NIPA2: variants seen among roughly 807,000 people sequenced by gnomAD.
The protein encoded by NIPA2 is NIPA magnesium transporter 2.
Under a neutral mutation model 29.7 loss-of-function variants are expected in NIPA2, and 11 were observed. That is an observed-to-expected ratio of 0.37 (90% CI 0.23 to 0.61). The LOEUF (loss-of-function observed/expected upper bound fraction) is 0.61, where lower values mean the gene tolerates loss of function less well. Ranked by LOEUF, NIPA2 falls within the 20% of genes least tolerant of loss-of-function variation. NIPA2 has a pLI of 0.66. For synonymous variants in NIPA2, 183 were observed against 161.9 expected (o/e 1.13, Z -0.99); for missense variants, 426 against 437.9 (o/e 0.97, Z 0.24).
intron 3 of NIPA2, among the ~76,000 whole-genome samples, chr15:22,846,926 C>T (rs1164125909): frequency 1.4e-5 from 2 of 147,146 alleles, no homozygotes; most frequent in South Asian, 2.1e-4. Flanking sequence ...TGTTTGAGAC[C>T]GAGTTTCGCT....
intron 6 of NIPA2, among the ~76,000 whole-genome samples, chr15:22,859,539 G>T (rs900478859): frequency 6.6e-6 from 1 of 152,132 alleles, no homozygotes; most frequent in African/African-American, 2.4e-5. Flanking sequence ...TGATCCACCC[G>T]CCTTGGCCTC....
In NIPA2 at chr15:22,867,097, C is replaced by T. The variant is rs1163705186; in HGVS notation, c.*250C>T. On this transcript the variant is annotated 3_prime_UTR_variant, in exon 8 of 8. Transcript: ENST00000337451. ...TTGTAGAAGTATTTTACATTTTCAT[C>T]CCTTCTCCAAAAGCCGAATGCACTA... is the stretch of plus-strand genomic sequence containing the variant. The T allele has an allele frequency of 6.2e-6, 3 of 487,614 alleles. No individual in the cohort carries two copies. Among genetic ancestry groups the T allele is most frequent in the East Asian group, 3.2e-5 (1 of 31,498 alleles). The allele number at this position is 487,614 out of a possible 1,614,324, so 30.2% of individuals were successfully genotyped here.
At chr15:22,846,227 C>T (rs1226383530) in intron 3 of NIPA2, among the ~76,000 whole-genome samples, 2 of 152,116 alleles carry the variant, frequency 1.3e-5, no homozygotes, top group Non-Finnish European at 2.9e-5. Flanking sequence ...TTTCAGAATT[C>T]CTTGGGCTGG....
At chr15:22,864,396 C>T (rs1358318440) in intron 7 of NIPA2, among the ~76,000 whole-genome samples, 15 of 152,260 alleles carry the variant, frequency 9.9e-5, no homozygotes, top group South Asian at 4.1e-4. Context: ...CCTCATGATC[C>T]GCCCACCTCG....
intron 4 of NIPA2, among the ~76,000 whole-genome samples, chr15:22,852,081 C>T (rs999309843): frequency 6.6e-6 from 1 of 152,160 alleles, no homozygotes; most frequent in African/African-American, 2.4e-5. Context: ...CTCAGTCCTG[C>T]AGTTATCATC....
intron 1 of NIPA2, among the ~76,000 whole-genome samples, chr15:22,839,447 C>T (rs1211090134): frequency 2.6e-5 from 4 of 152,070 alleles, no homozygotes; most frequent in African/African-American, 9.7e-5. Context: ...AGCCATGTGC[C>T]CGGTTAATAC....
chr15:22,851,597 T>G, intron 3 of NIPA2, 42 bp from the exon 4 acceptor site: 1 of 643,036 alleles, frequency 1.6e-6, no homozygotes, highest in Non-Finnish European at 2.5e-6. Flanking sequence ...TGAGCTGTCA[T>G]GAGCATTCTG....
chr15:22,849,122 C>T (rs1966520014), intron 3 of NIPA2, among the ~76,000 whole-genome samples: 1 of 152,122 alleles, frequency 6.6e-6, no homozygotes. Context: ...AGTTCTCCTA[C>T]CTTGTCTTTA....
In NIPA2 at chr15:22,856,772, T is replaced by A. The variant is rs544700656; in HGVS notation, c.197-1768T>A. Among the ~76,000 whole-genome samples the A allele has an allele frequency of 9.3e-5, 14 of 151,104 alleles. No homozygotes were observed. In the East Asian group the frequency reaches 2.3e-3, roughly 25 times the overall value. ...GCAAATTGAAGGCATAACAGAATCATCCCATACTCCTAACAAAGATCAGCA... is the reference window on the plus strand; with the variant it reads ...GCAAATTGAAGGCATAACAGAATCAACCCATACTCCTAACAAAGATCAGCA... On this transcript the variant is annotated intron_variant, in intron 5 of 7. Coordinates refer to ENST00000337451, the MANE Select transcript of NIPA2 (RefSeq NM_030922.7).
chr15:22,854,442 T>G (rs371823424), intron 5 of NIPA2, among the ~76,000 whole-genome samples: 77 of 151,228 alleles, frequency 5.1e-4, no homozygotes, highest in African/African-American at 1.7e-3. Context: ...TATTTTTAAA[T>G]GTACAATTAA....
intron 7 of NIPA2, among the ~76,000 whole-genome samples, chr15:22,863,920 T>C (rs2058789999): frequency 6.6e-6 from 1 of 152,066 alleles, no homozygotes; most frequent in Non-Finnish European, 1.5e-5. Context: ...TTGTTTGGGG[T>C]TTTTTGTTGT....
At chr15:22,859,327 C>G (rs1324176126) in intron 6 of NIPA2, among the ~76,000 whole-genome samples, 1 of 117,138 alleles carries the variant, frequency 8.5e-6, no homozygotes, top group African/African-American at 3.4e-5. Context: ...GAGTCTTGCT[C>G]TGTCGCCCAC....
intron 7 of NIPA2, 64 bp from the exon 8 acceptor site, chr15:22,866,149 T>A: frequency 7.6e-7 from 1 of 1,323,566 alleles, no homozygotes; most frequent in South Asian, 1.3e-5. Flanking sequence ...ATATTTTGTT[T>A]TGCATTCTGT....
intron 5 of NIPA2, among the ~76,000 whole-genome samples, chr15:22,858,208 A>C (rs2058345381): frequency 6.6e-6 from 1 of 152,112 alleles, no homozygotes; most frequent in Admixed American, 6.5e-5. Context: ...CCTGGCTAAC[A>C]CGGTGAAACT....
intron 5 of NIPA2, among the ~76,000 whole-genome samples, chr15:22,854,058 C>G (rs1228838424): frequency 6.6e-6 from 1 of 151,888 alleles, no homozygotes; most frequent in African/African-American, 2.4e-5. Context: ...ATCTCTTGAC[C>G]TCGTGATCCG....
In NIPA2 at chr15:22,867,398, A is replaced by C; in HGVS notation, c.*551A>C. Reference sequence around the variant, plus strand: ...ACCTCTTTCTTACAAAACAAAAAAAAGGGCAGAAATCACCCCAAGGAACGA... The same window carrying C: ...ACCTCTTTCTTACAAAACAAAAAAACGGGCAGAAATCACCCCAAGGAACGA... On this transcript the variant is annotated 3_prime_UTR_variant, in exon 8 of 8. Transcript: ENST00000337451. 5.2e-6 allele frequency: 2 copies of C among 385,586 alleles called. No individual in the cohort carries two copies. The highest frequency in any genetic ancestry group is 9.1e-6 in the Non-Finnish European group (2 of 218,850). The allele number at this position is 385,586 out of a possible 1,614,324, so 23.9% of individuals were successfully genotyped here.
At chr15:22,863,326 C>G (rs1308772639) in intron 7 of NIPA2, among the ~76,000 whole-genome samples, 1 of 151,972 alleles carries the variant, frequency 6.6e-6, no homozygotes. Flanking sequence ...TCAAGTGATC[C>G]ACCTCCCTCG....
chr15:22,850,761 C>T (rs944550101), intron 3 of NIPA2, among the ~76,000 whole-genome samples: 3 of 152,116 alleles, frequency 2.0e-5, no homozygotes, highest in African/African-American at 4.8e-5. Flanking sequence ...ACTTGAAGAA[C>T]GGAAAAACAT....
chr15:22,859,716 G>A (rs1027144047), intron 6 of NIPA2, among the ~76,000 whole-genome samples: 1 of 151,984 alleles, frequency 6.6e-6, no homozygotes, highest in African/African-American at 2.4e-5. Context: ...CTGGATCTTG[G>A]TTACTATTCC....
Sources: allele counts gnomAD v4.1 joint callset (sites outside exome capture counted in the v4.1 genomes callset), GRCh38; gene constraint gnomAD v4.1.1; transcripts MANE v1.5; gene names NCBI Gene and HGNC (gene_info 2026-07-23, HGNC 2026-07-21).